CDH12: variants seen among roughly 807,000 people sequenced by gnomAD.
CDH12 encodes cadherin 12, also known as cadherin-12.
A neutral mutation model predicts 74.1 loss-of-function variants in CDH12; 41 were observed. That is an observed-to-expected ratio of 0.55 (90% CI 0.43 to 0.72). The LOEUF (loss-of-function observed/expected upper bound fraction) is 0.72. CDH12 is among the 30% of genes least tolerant of loss of function. The pLI, the probability that CDH12 is intolerant of heterozygous loss-of-function variation, is 0.00. For missense variants in CDH12, 945 were observed against 977.2 expected (o/e 0.97, Z 0.44); for synonymous variants, 399 against 355.0 (o/e 1.12, Z -1.39).
At chr5:21,832,901 A>ATT (rs370689678) in intron 8 of CDH12, among the ~76,000 whole-genome samples, 1 of 81,570 alleles carries the variant, frequency 1.2e-5, no homozygotes, top group African/African-American at 8.0e-5. Flanking sequence ...TATATCATAT[A>ATT]ATATATGATA....
intron 10 of CDH12, among the ~76,000 whole-genome samples, chr5:21,787,627 T>C (rs1384998635): frequency 6.6e-6 from 1 of 152,158 alleles, no homozygotes; most frequent in Non-Finnish European, 1.5e-5. Flanking sequence ...ATATCTGTAA[T>C]TGATTTCTGA....
chr5:22,061,317 A>G (rs372467989), intron 5 of CDH12, among the ~76,000 whole-genome samples: 1 of 152,138 alleles, frequency 6.6e-6, no homozygotes, highest in African/African-American at 2.4e-5. Flanking sequence ...GAACAATGAA[A>G]CATATATAGT....
At chr5:22,624,325 C>T (rs890575545) in intron 1 of CDH12, among the ~76,000 whole-genome samples, 1 of 150,926 alleles carries the variant, frequency 6.6e-6, no homozygotes, top group Non-Finnish European at 1.5e-5. Context: ...TCTAATTAAA[C>T]TAAAGAGCTG....
At chr5:21,761,147 C>T (rs955987743) in intron 12 of CDH12, among the ~76,000 whole-genome samples, 1 of 152,036 alleles carries the variant, frequency 6.6e-6, no homozygotes, top group Non-Finnish European at 1.5e-5. Flanking sequence ...AATAGAGATA[C>T]AAAAGCTGTA....
At chr5:22,740,255 C>T (rs1015147769) in intron 1 of CDH12, among the ~76,000 whole-genome samples, 2 of 151,998 alleles carry the variant, frequency 1.3e-5, no homozygotes, top group African/African-American at 2.4e-5. Flanking sequence ...CTTTACATAA[C>T]GTGGATCTTA....
chr5:21,804,671 C>T (rs967554763), intron 9 of CDH12, among the ~76,000 whole-genome samples: 13 of 151,386 alleles, frequency 8.6e-5, no homozygotes, highest in African/African-American at 2.7e-4. Flanking sequence ...CACACACACA[C>T]ACACACACAC....
intron 2 of CDH12, among the ~76,000 whole-genome samples, chr5:22,491,610 C>CAAAAAAAAAA (rs11446320): frequency 1.7e-5 from 2 of 120,896 alleles, no homozygotes; most frequent in African/African-American, 3.1e-5. Flanking sequence ...AGCTAATGAG[C>CAAAAAAAAAA]AAAAAAAAAA....
intron 4 of CDH12, among the ~76,000 whole-genome samples, chr5:22,083,652 A>T (rs1480633150): frequency 6.6e-6 from 1 of 152,096 alleles, no homozygotes; most frequent in Non-Finnish European, 1.5e-5. Context: ...CACCCATTTG[A>T]CAGAAGAAAT....
intron 1 of CDH12, among the ~76,000 whole-genome samples, chr5:22,808,677 C>G (rs1262969310): frequency 7.1e-6 from 1 of 140,278 alleles, no homozygotes; most frequent in Non-Finnish European, 1.5e-5. Context: ...GCGATCTCAG[C>G]TCACTGCAAC....
At chr5:22,769,829 A>G (rs1746717251) in intron 1 of CDH12, among the ~76,000 whole-genome samples, 1 of 151,960 alleles carries the variant, frequency 6.6e-6, no homozygotes, top group Non-Finnish European at 1.5e-5. Flanking sequence ...ATTTTTGATA[A>G]TTTGGAGTAT....
At position 22,233,882 on chromosome 5, in the gene CDH12, C is replaced by T. The variant is rs961597401; in HGVS notation, c.-332-21239G>A. ...CAGTTTGCCCACCTTGACGTGCCACCCAAGTGACAGGATTCCACTAATAGA... is the reference window on the plus strand; with the variant it reads ...CAGTTTGCCCACCTTGACGTGCCACTCAAGTGACAGGATTCCACTAATAGA... On this transcript the variant is annotated intron_variant, in intron 3 of 14. Coordinates refer to ENST00000382254, the MANE Select transcript of CDH12 (RefSeq NM_004061.5). 2.6e-5 allele frequency among the ~76,000 whole-genome samples: 4 copies of T among 152,082 alleles called. No homozygotes were observed. The South Asian group carries it at 6.2e-4, about 24-fold the overall frequency.
chr5:22,196,452 T>C (rs1333147992), intron 4 of CDH12, among the ~76,000 whole-genome samples: 4 of 152,014 alleles, frequency 2.6e-5, no homozygotes, highest in Non-Finnish European at 5.9e-5. Flanking sequence ...CTGTATGTAA[T>C]CTTTTATTCA....
At chr5:21,754,633 G>A (rs1306915791) in intron 14 of CDH12, among the ~76,000 whole-genome samples, 1 of 152,012 alleles carries the variant, frequency 6.6e-6, no homozygotes, top group Non-Finnish European at 1.5e-5. Flanking sequence ...ACCATATAAC[G>A]CGTTACTCCG....
intron 13 of CDH12, among the ~76,000 whole-genome samples, chr5:21,759,711 G>C (rs1308831249): frequency 6.6e-6 from 1 of 151,784 alleles, no homozygotes; most frequent in African/African-American, 2.4e-5. Context: ...TAGATTTGAG[G>C]GTAACGTGAA....
intron 1 of CDH12, among the ~76,000 whole-genome samples, chr5:22,607,748 T>C (rs1737191386): frequency 6.6e-6 from 1 of 152,222 alleles, no homozygotes. Context: ...CCAGACTTGG[T>C]GCACTGCATC....
intron 6 of CDH12, chr5:21,883,787 T>G (rs1313981427): frequency 6.4e-7 from 1 of 1,574,372 alleles, no homozygotes; most frequent in South Asian, 1.1e-5. Context: ...AACTTTCAGA[T>G]GGAGTAGTTG....
intron 4 of CDH12, among the ~76,000 whole-genome samples, chr5:22,102,033 ACCTCT>A (rs1396137739): frequency 1.3e-5 from 2 of 152,170 alleles, no homozygotes; most frequent in Admixed American, 6.5e-5. Context: ...TAGATTGCTG[ACCTCT>A]AAAATCTGAA....
At chr5:22,122,720 T>A (rs1304435460) in intron 4 of CDH12, among the ~76,000 whole-genome samples, 1 of 152,238 alleles carries the variant, frequency 6.6e-6, no homozygotes, top group Non-Finnish European at 1.5e-5. Flanking sequence ...GATTGCCTGT[T>A]GCAATGTGAG....
At chr5:22,163,188 A>C (rs1190698078) in intron 4 of CDH12, among the ~76,000 whole-genome samples, 1 of 151,996 alleles carries the variant, frequency 6.6e-6, no homozygotes, top group Non-Finnish European at 1.5e-5. Context: ...GCCCCCTCTG[A>C]CGTTTTAATG....
Sources: allele counts gnomAD v4.1 joint callset (sites outside exome capture counted in the v4.1 genomes callset), GRCh38; gene constraint gnomAD v4.1.1; transcripts MANE v1.5; gene names NCBI Gene and HGNC (gene_info 2026-07-23, HGNC 2026-07-21).